The following CRYBG1 variants were observed in gnomAD, a reference collection of about 807,000 sequenced individuals.
The protein encoded by CRYBG1 is beta/gamma crystallin domain-containing protein 1.
A neutral mutation model predicts 189.2 loss-of-function variants in CRYBG1; 139 were observed. That is an observed-to-expected ratio of 0.73 (90% CI 0.64 to 0.85). CRYBG1 has a LOEUF of 0.85. Ranked by LOEUF, CRYBG1 falls within the 40% of genes least tolerant of loss-of-function variation. The pLI, the probability that CRYBG1 is intolerant of heterozygous loss-of-function variation, is 0.00. For synonymous variants in CRYBG1, 1,023 were observed against 1,017.1 expected (o/e 1.01, Z -0.11); for missense variants, 2,611 against 2,675.8 (o/e 0.98, Z 0.53).
intron 7 of CRYBG1, among the ~76,000 whole-genome samples, chr6:106,527,988 G>C (rs554311943): frequency 2.0e-5 from 3 of 152,210 alleles, no homozygotes; most frequent in East Asian, 3.8e-4. Context: ...GATGAGGAAA[G>C]TGTTGTCAGA....
intron 2 of CRYBG1, among the ~76,000 whole-genome samples, chr6:106,510,884 T>C (rs1773243601): frequency 6.6e-6 from 1 of 152,218 alleles, no homozygotes; most frequent in Non-Finnish European, 1.5e-5. Context: ...CTTAAGGTTT[T>C]CATGTTGCAA....
intron 1 of CRYBG1, among the ~76,000 whole-genome samples, chr6:106,429,186 A>T (rs1473808827): frequency 6.6e-6 from 1 of 152,232 alleles, no homozygotes; most frequent in African/African-American, 2.4e-5. Flanking sequence ...ATCACCTATT[A>T]GCCTTGCTAA....
At chr6:106,439,399 T>C (rs529685918) in intron 1 of CRYBG1, among the ~76,000 whole-genome samples, 1 of 152,340 alleles carries the variant, frequency 6.6e-6, no homozygotes, top group South Asian at 2.1e-4. Context: ...GTTAATATTC[T>C]TTAAAATTTG....
chr6:106,396,871 G>A (rs140793704), intron 1 of CRYBG1, among the ~76,000 whole-genome samples: 4,037 of 152,244 alleles, frequency 0.027, 169 homozygotes, highest in African/African-American at 0.092. Flanking sequence ...TAGTAGAGCC[G>A]AGGTTTCACC....
At chr6:106,423,059 G>A (rs1482550545) in intron 1 of CRYBG1, among the ~76,000 whole-genome samples, 2 of 152,106 alleles carry the variant, frequency 1.3e-5, no homozygotes, top group Non-Finnish European at 2.9e-5. Context: ...TTGGTAATTT[G>A]CTATCTTGAT....
At chr6:106,498,394 A>G (rs1474905) in intron 2 of CRYBG1, among the ~76,000 whole-genome samples, 103,619 of 151,992 alleles carry the variant, frequency 0.68, 35,984 homozygotes, top group African/African-American at 0.82. Context: ...CCCTAAAGAC[A>G]CAATCCGGAA....
intron 2 of CRYBG1, among the ~76,000 whole-genome samples, chr6:106,458,469 A>C (rs1306253592): frequency 1.3e-5 from 2 of 152,198 alleles, no homozygotes; most frequent in Non-Finnish European, 2.9e-5. Flanking sequence ...CCTTGAACTC[A>C]GTACTTATTG....
intron 1 of CRYBG1, among the ~76,000 whole-genome samples, chr6:106,411,622 T>C (rs1038772982): frequency 1.3e-5 from 2 of 152,060 alleles, no homozygotes; most frequent in Non-Finnish European, 2.9e-5. Flanking sequence ...TATATAAAAG[T>C]GAGTTTATTA....
chr6:106,564,933 T>C (rs1163588173), intron 21 of CRYBG1, among the ~76,000 whole-genome samples: 1 of 152,214 alleles, frequency 6.6e-6, no homozygotes, highest in East Asian at 1.9e-4. Flanking sequence ...TTTATGAGTA[T>C]ATTACATACT....
At position 106,452,244 on chromosome 6, in the gene CRYBG1, TAAAA is replaced by T. The variant is rs368102917; in HGVS notation, c.312+430_312+433del. ...CAACATGATGAAACCCAGACTCTACTAAAAAAAAAAAAAAAAAAAAACAAAAAAA... is the reference window on the plus strand; with the variant it reads ...CAACATGATGAAACCCAGACTCTACTAAAAAAAAAAAAAAAAACAAAAAAA... On this transcript the variant is annotated intron_variant, in intron 2 of 21. Coordinates refer to ENST00000633556, the MANE Select transcript of CRYBG1 (RefSeq NM_001371242.2). 4.6e-5 allele frequency among the ~76,000 whole-genome samples: 5 copies of T among 108,838 alleles called. No individual in the cohort carries two copies. The South Asian group carries it at 7.7e-4, about 17-fold the overall frequency. The allele number at this position is 108,838 out of a possible 152,430, so 71.4% of individuals were successfully genotyped here. A position where few individuals can be genotyped will look rare whatever the true frequency, so the allele number is the denominator to read the frequency against.
At chr6:106,537,103 A>C (rs963641283) in intron 8 of CRYBG1, among the ~76,000 whole-genome samples, 1 of 152,196 alleles carries the variant, frequency 6.6e-6, no homozygotes, top group East Asian at 1.9e-4. Flanking sequence ...CCCTCTACCC[A>C]GAATGACTTT....
intron 1 of CRYBG1, among the ~76,000 whole-genome samples, chr6:106,445,064 C>T (rs1771641901): frequency 6.6e-6 from 1 of 152,020 alleles, no homozygotes. Context: ...GCTGACTGGA[C>T]AAAAAAGGAT....
intron 8 of CRYBG1, 35 bp from the exon 9 acceptor site, chr6:106,539,368 G>A (rs778523696): frequency 1.4e-5 from 23 of 1,609,564 alleles, no homozygotes; most frequent in Middle Eastern, 3.3e-4. Context: ...ATGATGAGTC[G>A]GCTCCCTTTC....
intron 1 of CRYBG1, among the ~76,000 whole-genome samples, chr6:106,361,953 T>TCTTC (rs1771876411): frequency 1.1e-5 from 1 of 89,132 alleles, no homozygotes; most frequent in Non-Finnish European, 2.1e-5. Context: ...ATGGTTTTCC[T>TCTTC]TTTATTTCTT....
At chr6:106,519,063 T>G in intron 3 of CRYBG1, 68 bp from the exon 4 acceptor site, 2 of 1,488,874 alleles carry the variant, frequency 1.3e-6, no homozygotes, top group Non-Finnish European at 1.8e-6. Flanking sequence ...GTTTTATAAT[T>G]AATTGGTTTG....
chr6:106,555,758 C>CT lies in CRYBG1; in HGVS notation c.5586-10_5586-9insT, dbSNP rs767894875. The CT allele has an allele frequency of 8.1e-6, 13 of 1,613,676 alleles. No individual in the cohort carries two copies. Among genetic ancestry groups the CT allele is most frequent in the Non-Finnish European group, 1.0e-5 (12 of 1,179,852 alleles). On this transcript the variant is annotated splice_polypyrimidine_tract_variant and intron_variant, in intron 16 of 21. Transcript: ENST00000633556. The stretch of plus-strand genomic sequence containing the variant: ...TATTCTGTGCATGTGTGTGGTTTTT[C>CT]CCATTGTAGCTGGGTTGTATATGAT...
intron 13 of CRYBG1, 138 bp downstream of exon 13, chr6:106,545,071 G>A (rs1204183743): frequency 1.4e-6 from 1 of 694,710 alleles, no homozygotes; most frequent in Non-Finnish European, 2.3e-6. Flanking sequence ...TCATTTAATA[G>A]TTGCTGTCAT....
At chr6:106,362,220 C>T (rs1045647608) in intron 1 of CRYBG1, among the ~76,000 whole-genome samples, 5 of 151,728 alleles carry the variant, frequency 3.3e-5, no homozygotes, top group Non-Finnish European at 7.4e-5. Context: ...CCGCCCGCCT[C>T]GGCCTCCCAA....
intron 2 of CRYBG1, among the ~76,000 whole-genome samples, chr6:106,500,894 T>C (rs1772993978): frequency 6.6e-6 from 1 of 152,208 alleles, no homozygotes; most frequent in African/African-American, 2.4e-5. Context: ...CAGGCCTTTG[T>C]TTCTATCTGA....
Sources: allele counts gnomAD v4.1 joint callset (sites outside exome capture counted in the v4.1 genomes callset), GRCh38; gene constraint gnomAD v4.1.1; transcripts MANE v1.5; gene names NCBI Gene and HGNC (gene_info 2026-07-23, HGNC 2026-07-21).